SLC35E2B: variants seen among roughly 807,000 people sequenced by gnomAD.
SLC35E2B encodes the protein solute carrier family 35, member E2B.
In SLC35E2B, 18 loss-of-function variants were observed where a neutral mutation model predicts 32.4. That is an observed-to-expected ratio of 0.56 (90% CI 0.38 to 0.82). The LOEUF is 0.82. Among genes scored for constraint, SLC35E2B ranks in the 40% least tolerant of loss-of-function variants. The probability of loss-of-function intolerance (pLI) is 0.00; values close to 1 mark genes in which losing one functional copy is unlikely to be tolerated. For missense variants in SLC35E2B, 263 were observed against 469.5 expected (o/e 0.56, Z 4.06); for synonymous variants, 132 against 209.1 (o/e 0.63, Z 3.18).
intron 5 of SLC35E2B, among the ~76,000 whole-genome samples, chr1:1,673,779 C>T (rs1196828173): frequency 2.0e-5 from 3 of 151,818 alleles, no homozygotes; most frequent in Non-Finnish European, 2.9e-5. Context: ...CTGGCTAACA[C>T]GGTGAAACCC....
Position 1,662,750 on chromosome 1 carries a change from C to T in SLC35E2B, c.*3032G>A, listed in dbSNP as rs1138965. 1.2e-5 allele frequency: 9 copies of T among 745,774 alleles called. No individual in the cohort carries two copies. The highest frequency in any genetic ancestry group is 1.1e-4 in the African/African-American group (6 of 55,478). The allele number at this position is 745,774 out of a possible 1,614,324, so 46.2% of individuals were successfully genotyped here. On this transcript the variant is annotated 3_prime_UTR_variant, in exon 10 of 10. Coordinates refer to ENST00000617444, the MANE Select transcript of SLC35E2B (RefSeq NM_001290264.2). ...GAGCTGCAAATCTCTTAAGTATCAACGTAAAGAAGCCGATGACCCAATTCG... is the reference window on the plus strand; with the variant it reads ...GAGCTGCAAATCTCTTAAGTATCAATGTAAAGAAGCCGATGACCCAATTCG...
At chr1:1,677,257 TCACTGTC>T (rs1253890770) in intron 2 of SLC35E2B, among the ~76,000 whole-genome samples, 11 of 138,068 alleles carry the variant, frequency 8.0e-5, no homozygotes, top group African/African-American at 3.0e-4. Context: ...ATGCAATCGT[TCACTGTC>T]CAAAGATTTT....
intron 2 of SLC35E2B, among the ~76,000 whole-genome samples, chr1:1,686,310 T>TC (rs1298425748): frequency 7.7e-6 from 1 of 129,348 alleles, no homozygotes. Context: ...GCCTCCCTTT[T>TC]CTTTTTTTTT....
chr1:1,683,167 G>A (rs1337949789), intron 2 of SLC35E2B, among the ~76,000 whole-genome samples: 1 of 152,174 alleles, frequency 6.6e-6, no homozygotes, highest in Non-Finnish European at 1.5e-5. Context: ...ACTTCCCACA[G>A]GAGATGCAGG....
In SLC35E2B at chr1:1,665,825, G is replaced by A. The variant is rs1349688911; in HGVS notation, c.1175C>T (p.Thr392Ile). Residue 392 changes from threonine (T) to isoleucine (I), a missense_variant, in exon 10 of 10, where the codon ACA (threonine) becomes ATA (isoleucine). Transcript: ENST00000617444. Reference protein sequence around the residue: ...AAATGRAPDDTVEPLLPQDPR... With the variant: ...AAATGRAPDDIVEPLLPQDPR... ...GTCCTGTGGAAGCAGCGGCTCCACT[G>A]TGTCGTCTGGGGCCCGGCCAGTGGC... 4.5e-6 allele frequency: 7 copies of A among 1,550,836 alleles called. No homozygotes were observed. The highest frequency in any genetic ancestry group is 2.4e-5 in the South Asian group (2 of 84,046).
intron 2 of SLC35E2B, among the ~76,000 whole-genome samples, chr1:1,690,431 A>G (rs1644005602): frequency 6.6e-6 from 1 of 150,556 alleles, no homozygotes; most frequent in African/African-American, 2.4e-5. Flanking sequence ...ACCAAGTAGA[A>G]AAACAGGCAA....
At position 1,667,743 on chromosome 1, in the gene SLC35E2B, A is replaced by G. The variant is rs1643583111; in HGVS notation, c.980+584T>C. The stretch of plus-strand genomic sequence containing the variant: ...CGCAACGCCCGACTATTCTAGACAG[A>G]AAAGCACTCAATTTCAAAAACCTTC... On this transcript the variant is annotated intron_variant, in intron 9 of 9. Coordinates refer to ENST00000617444, the MANE Select transcript of SLC35E2B (RefSeq NM_001290264.2). 1.3e-5 allele frequency among the ~76,000 whole-genome samples: 2 copies of G among 152,170 alleles called. 1 individual carries two copies. The highest frequency in any genetic ancestry group is 4.1e-4 in the South Asian group (2 of 4,828).
intron 2 of SLC35E2B, among the ~76,000 whole-genome samples, chr1:1,683,572 T>C (rs977122658): frequency 1.3e-5 from 2 of 151,728 alleles, no homozygotes; most frequent in Non-Finnish European, 2.9e-5. Context: ...TCCCACTCTT[T>C]CATCTCTCAT....
chr1:1,669,601 T>A, intron 8 of SLC35E2B, 63 bp downstream of exon 8: 1 of 1,449,802 alleles, frequency 6.9e-7, no homozygotes, highest in Non-Finnish European at 9.3e-7. Flanking sequence ...GTCATTCTGC[T>A]CCTGAATCAC....
chr1:1,687,688 T>G (rs997537061), intron 2 of SLC35E2B, among the ~76,000 whole-genome samples: 5 of 149,136 alleles, frequency 3.4e-5, no homozygotes, highest in South Asian at 4.2e-4. Flanking sequence ...TGAGCCTAGA[T>G]CGGGCCACTG....
chr1:1,690,030 C>T (rs1285750788), intron 2 of SLC35E2B, among the ~76,000 whole-genome samples: 2 of 149,916 alleles, frequency 1.3e-5, no homozygotes, highest in African/African-American at 4.9e-5. Flanking sequence ...GCCTGTAATC[C>T]CAGCACTTTG....
In SLC35E2B at chr1:1,674,829, G is replaced by A. The variant is rs578260744; in HGVS notation, c.586+634C>T. 3.9e-5 allele frequency among the ~76,000 whole-genome samples: 6 copies of A among 152,186 alleles called. No individual in the cohort carries two copies. In the South Asian group the frequency reaches 1.0e-3, roughly 26 times the overall value. On this transcript the variant is annotated intron_variant, in intron 5 of 9. Transcript: ENST00000617444. ...AGATCTTGTAGTTTCTTAAATAAGC[G>A]AACACGTGTGCACCCCCCGACTCCG...
At chr1:1,686,468 T>C (rs1643952333) in intron 2 of SLC35E2B, among the ~76,000 whole-genome samples, 3 of 151,514 alleles carry the variant, frequency 2.0e-5, no homozygotes, top group Admixed American at 1.3e-4. Context: ...GGCAGTCTTG[T>C]AGTGAAAAAA....
chr1:1,679,893 G>C (rs1244732176), intron 2 of SLC35E2B, among the ~76,000 whole-genome samples: 2 of 151,548 alleles, frequency 1.3e-5, no homozygotes, highest in Non-Finnish European at 2.9e-5. Context: ...AGCACTTTGG[G>C]AGGCCGAGGA....
rs1453831129 is a variant in SLC35E2B at position 1,669,661 on chromosome 1, C to T, written c.834+3G>A. On this transcript the variant is annotated splice_donor_region_variant and intron_variant, in intron 8 of 9. Transcript: ENST00000617444. ...GGACGGGACGCCTGTGTCTGAAACCCACCGTAAAGAAAACCCGGGCCGGGA... is the reference window on the plus strand; with the variant it reads ...GGACGGGACGCCTGTGTCTGAAACCTACCGTAAAGAAAACCCGGGCCGGGA... 1.3e-6 allele frequency: 2 copies of T among 1,523,794 alleles called. No homozygotes were observed. Among genetic ancestry groups the T allele is most frequent in the Non-Finnish European group, 1.8e-6 (2 of 1,125,828 alleles). The allele number at this position is 1,523,794 out of a possible 1,614,324, so 94.4% of individuals were successfully genotyped here.
At chr1:1,682,081 A>G (rs951596633) in intron 2 of SLC35E2B, among the ~76,000 whole-genome samples, 9 of 143,168 alleles carry the variant, frequency 6.3e-5, no homozygotes, top group African/African-American at 1.8e-4. Context: ...GTTGGTCTCA[A>G]TCTCCTGACC....
chr1:1,667,270 G>T (rs746872234), intron 9 of SLC35E2B, among the ~76,000 whole-genome samples: 1 of 151,904 alleles, frequency 6.6e-6, no homozygotes, highest in African/African-American at 2.4e-5. Context: ...AAAATTAGCC[G>T]GGCGTGGTGG....
intron 7 of SLC35E2B, 109 bp downstream of exon 7, chr1:1,669,989 A>C: frequency 9.1e-7 from 1 of 1,098,150 alleles, no homozygotes; most frequent in Non-Finnish European, 1.3e-6. Context: ...AAGGCCACCC[A>C]AGCCAGACAG....
intron 8 of SLC35E2B, among the ~76,000 whole-genome samples, chr1:1,668,774 A>G (rs1367707684): frequency 1.3e-5 from 2 of 152,136 alleles, no homozygotes; most frequent in Non-Finnish European, 2.9e-5. Flanking sequence ...CAGAAACCCC[A>G]ATGCGGGGCC....
Sources: allele counts gnomAD v4.1 joint callset (sites outside exome capture counted in the v4.1 genomes callset), GRCh38; gene constraint gnomAD v4.1.1; transcripts MANE v1.5; gene names NCBI Gene and HGNC (gene_info 2026-07-23, HGNC 2026-07-21).